FIS1: variants seen among roughly 807,000 people sequenced by gnomAD.
FIS1 encodes fission, mitochondrial 1, also known as mitochondrial fission 1 protein.
Under a neutral mutation model 21.6 loss-of-function variants are expected in FIS1, and 16 were observed. That is an observed-to-expected ratio of 0.74 (90% CI 0.50 to 1.12). The LOEUF (loss-of-function observed/expected upper bound fraction) is 1.12. Ranked by LOEUF, FIS1 falls within the 50% of genes most tolerant of loss-of-function variation. The pLI, the probability that FIS1 is intolerant of heterozygous loss-of-function variation, is 0.00. For synonymous variants in FIS1, 92 were observed against 82.2 expected, an observed-to-expected ratio of 1.12 and a Z score of -0.65; for missense variants, 198 against 190.9, an observed-to-expected ratio of 1.04 and a Z score of -0.22.
At chr7:101,244,685 C>T (rs1562909170) in intron 1 of FIS1, 1 of 552,776 alleles carries the variant, frequency 1.8e-6, no homozygotes, top group Non-Finnish European at 3.2e-6. Context: ...GAGCTCACAG[C>T]TCCTGCATGA....
At position 101,243,986 on chromosome 7, in the gene FIS1, AG is replaced by A; in HGVS notation, c.178+20del. 6.3e-7 allele frequency: 1 copy of A among 1,599,984 alleles called. No individual in the cohort carries two copies. Among genetic ancestry groups the A allele is most frequent in the Non-Finnish European group, 8.5e-7 (1 of 1,170,724 alleles). On this transcript the variant is annotated intron_variant, in intron 2 of 4. Transcript: ENST00000223136. ...AGAGCAGCCCAGATGGCAGCGGGAAAGGGAGAGTACAGCGCCTCACCCTCGA... is the reference window on the plus strand; with the variant it reads ...AGAGCAGCCCAGATGGCAGCGGGAAAGGAGAGTACAGCGCCTCACCCTCGA...
At position 101,240,222 on chromosome 7, in the gene FIS1, A is replaced by G. The variant is rs770923642; in HGVS notation, c.281T>C (p.Val94Ala). ...LKEYEKALKY[V>A]RGLLQTEPQN... ...GGGCTCTGTCTGCAGCAACCCGCGG[A>G]CGTACTTTAAGGCCTTCTCGTATTC... is the stretch of plus-strand genomic sequence containing the variant. The change falls in exon 4 of 5, where the codon GTC (valine) becomes GCC (alanine). Residue 94 changes from valine to alanine, a missense_variant. Val to Ala is a moderately conservative substitution (Grantham distance 64). Transcript: ENST00000223136. 4 of 1,614,068 alleles carry G rather than the reference A, an allele frequency of 2.5e-6. No individual in the cohort carries two copies. In the South Asian group the frequency reaches 4.4e-5, roughly 18 times the overall value.
In FIS1 at chr7:101,240,152, G is replaced by C. The variant is rs767199966; in HGVS notation, c.351C>G (p.Ala117=). ...GGCCGAGGCTGTCACCTTTCTTCAT[G>C]GCCTTGTCAATGAGCCGCTCCAGTT... The part of the protein sequence containing the change: ...AKELERLIDK[A]MKKDGLVGMA... The change falls in exon 4 of 5, where the codon GCC becomes GCG. Residue 117 remains alanine (A), a synonymous_variant. Coordinates refer to ENST00000223136, the MANE Select transcript of FIS1 (RefSeq NM_016068.3). 1 of 1,614,180 alleles carries C rather than the reference G, an allele frequency of 6.2e-7. No individual in the cohort carries two copies. The highest frequency in any genetic ancestry group is 8.5e-7 in the Non-Finnish European group (1 of 1,180,008).
At chr7:101,240,764 G>A in intron 3 of FIS1, 66 bp downstream of exon 3, 1 of 1,507,412 alleles carries the variant, frequency 6.6e-7, no homozygotes, top group South Asian at 1.1e-5. Context: ...GCTCCACCCT[G>A]GAGGACACAG....
At chr7:101,243,911 A>T in intron 2 of FIS1, 96 bp downstream of exon 2, 1 of 1,462,680 alleles carries the variant, frequency 6.8e-7, no homozygotes, top group Non-Finnish European at 9.2e-7. Flanking sequence ...TGGTGCAGTA[A>T]ATCTACCGGA....
chr7:101,244,987 G>A lies in FIS1; in HGVS notation c.18C>T (p.Asn6=), dbSNP rs768598603. 1.2e-5 allele frequency: 19 copies of A among 1,613,858 alleles called. 1 individual carries two copies. Among genetic ancestry groups the A allele is most frequent in the African/African-American group, 1.3e-5 (1 of 74,940 alleles). Residue 6 remains asparagine, a synonymous_variant, in exon 1 of 5, where the codon AAC becomes AAT. Coordinates refer to ENST00000223136, the MANE Select transcript of FIS1 (RefSeq NM_016068.3). ...GCAGGTCCTCCACAGACACCAGCTC[G>A]TTCAGCACGGCCTCCATGGCCACTG... MEAVL[N]ELVSVEDLLK...
At chr7:101,244,872 T>G in intron 1 of FIS1, 88 bp downstream of exon 1, 2 of 1,543,354 alleles carry the variant, frequency 1.3e-6, no homozygotes, top group Non-Finnish European at 1.8e-6. Flanking sequence ...GCCAAGCCGA[T>G]GCCGGGAGGA....
At chr7:101,240,722 T>TCTGCACCC in intron 3 of FIS1, 108 bp downstream of exon 3, 1 of 1,049,084 alleles carries the variant, frequency 9.5e-7, no homozygotes, top group Non-Finnish European at 1.5e-6. Flanking sequence ...GCTCTGCACC[T>TCTGCACCC]CTGCACCCCT....
rs201248812 is a variant in FIS1 at position 101,239,895 on chromosome 7, C to T, written c.370G>A (p.Val124Met). ...ATGCCTCCCACGATGGCCATGCCCA[C>T]GAGTCCATCTGGGGAAGGAAAGGGA... ...IDKAMKKDGLVGMAIVGGMAL... is the reference protein window; with the variant it reads ...IDKAMKKDGLMGMAIVGGMAL... Residue 124 changes from valine (V) to methionine (M), a missense_variant, in exon 5 of 5, where the codon GTG (valine) becomes ATG (methionine). Transcript: ENST00000223136. 5.8e-5 allele frequency: 93 copies of T among 1,604,916 alleles called. No homozygotes were observed. Among genetic ancestry groups the T allele is most frequent in the Non-Finnish European group, 7.1e-5 (83 of 1,175,708 alleles).
At chr7:101,240,324 G>A (rs1584270598) in intron 3 of FIS1, 77 bp from the exon 4 acceptor site, 1 of 1,466,152 alleles carries the variant, frequency 6.8e-7, no homozygotes, top group Non-Finnish European at 9.5e-7. Context: ...TAAGAGACGG[G>A]GTCTTGCTCT....
rs1010343606 is a variant in FIS1 at position 101,244,897 on chromosome 7, C to T, written c.45+63G>A. ...TGCCGGGAGGAGGGTTCGGCCCCTA[C>T]CTGACTCTCCTCAGGACCCGCCCTC... is the stretch of plus-strand genomic sequence containing the variant. On this transcript the variant is annotated intron_variant, in intron 1 of 4. Coordinates refer to ENST00000223136, the MANE Select transcript of FIS1 (RefSeq NM_016068.3). 5 of 1,601,010 alleles carry T rather than the reference C, an allele frequency of 3.1e-6. No homozygotes were observed. In the African/African-American group the frequency reaches 6.7e-5, roughly 21 times the overall value.
intron 1 of FIS1, 149 bp from the exon 2 acceptor site, chr7:101,244,288 AGGCTTTC>A (rs969468887): frequency 1.5e-5 from 17 of 1,123,444 alleles, no homozygotes; most frequent in Non-Finnish European, 1.1e-5. Flanking sequence ...CCCGGGACCC[AGGCTTTC>A]GGCTCCTCCG....
chr7:101,240,810 G>C lies in FIS1; in HGVS notation c.255+20C>G, dbSNP rs965550742. On this transcript the variant is annotated intron_variant, in intron 3 of 4. Transcript: ENST00000223136. ...CTGCAGCCCCAGAGGAGGGTGAAGG[G>C]AACGGGGTCCCCACCTCACCTTGAG... 6.8e-6 allele frequency: 11 copies of C among 1,612,518 alleles called. No individual in the cohort carries two copies. In the African/African-American group the frequency reaches 1.1e-4, roughly 16 times the overall value.
In FIS1 at chr7:101,244,968, C is replaced by G; in HGVS notation, c.37G>C (p.Asp13His). ...TCCGGGCCAGGCCTCACCAGCAGGTCCTCCACAGACACCAGCTCGTTCAGC... is the reference window on the plus strand; with the variant it reads ...TCCGGGCCAGGCCTCACCAGCAGGTGCTCCACAGACACCAGCTCGTTCAGC... ...AVLNELVSVE[D>H]LLKFEKKFQS... is the part of the protein sequence containing the mutation. Residue 13 changes from aspartate (D) to histidine (H), a missense_variant, in exon 1 of 5, where the codon GAC becomes CAC. Asp to His is a moderately conservative substitution (Grantham distance 81). Transcript: ENST00000223136. 1 of 1,614,086 alleles carries G rather than the reference C, an allele frequency of 6.2e-7. No homozygotes were observed. Among genetic ancestry groups the G allele is most frequent in the Non-Finnish European group, 8.5e-7 (1 of 1,179,966 alleles).
chr7:101,239,472 T>C lies in FIS1; in HGVS notation c.*334A>G, dbSNP rs1422947270. 2.5e-6 allele frequency: 1 copy of C among 408,034 alleles called. No homozygotes were observed. The highest frequency in any genetic ancestry group is 2.1e-5 in the African/African-American group (1 of 48,680). 25.3% of individuals were successfully genotyped at this position (408,034 alleles called of 1,614,324 possible). A position where few individuals can be genotyped will look rare whatever the true frequency, so the allele number is the denominator to read the frequency against. ...CTTCAGGAAAGGGAGGAAGGAAGGG[T>C]GTGGGCTCTGGGCTGCGGGGTGGAC... On this transcript the variant is annotated 3_prime_UTR_variant, in exon 5 of 5. Coordinates refer to ENST00000223136, the MANE Select transcript of FIS1 (RefSeq NM_016068.3).
chr7:101,241,758 G>C (rs1798754044), intron 2 of FIS1: 1 of 148,518 alleles, frequency 6.7e-6, no homozygotes. Context: ...TCGGGAGTTT[G>C]AGACCAGCCT....
chr7:101,242,211 C>A (rs1043710486), intron 2 of FIS1, among the ~76,000 whole-genome samples: 3 of 152,204 alleles, frequency 2.0e-5, no homozygotes, highest in African/African-American at 4.8e-5. Flanking sequence ...CAGGCATGAG[C>A]CACAGTGCCT....
chr7:101,240,504 C>T (rs1798730822), intron 3 of FIS1, among the ~76,000 whole-genome samples: 1 of 152,164 alleles, frequency 6.6e-6, no homozygotes, highest in Non-Finnish European at 1.5e-5. Context: ...CGTGAAGGGC[C>T]TTCCCTTCTT....
Position 101,239,758 on chromosome 7 carries a change from G to A in FIS1, c.*48C>T. 1 of 1,417,240 alleles carries A rather than the reference G, an allele frequency of 7.1e-7. No individual in the cohort carries two copies. The allele number at this position is 1,417,240 out of a possible 1,614,324, so 87.8% of individuals were successfully genotyped here. On this transcript the variant is annotated 3_prime_UTR_variant, in exon 5 of 5. Coordinates refer to ENST00000223136, the MANE Select transcript of FIS1 (RefSeq NM_016068.3). ...GGGAGAACAGGGAAAGGACAGCGAG[G>A]ATGGACAGGCCCTCCTGGAGCGTTC...
Sources: allele counts gnomAD v4.1 joint callset (sites outside exome capture counted in the v4.1 genomes callset), GRCh38; gene constraint gnomAD v4.1.1; transcripts MANE v1.5; gene names NCBI Gene and HGNC (gene_info 2026-07-23, HGNC 2026-07-21).